ACBD7: variants seen among roughly 807,000 people sequenced by gnomAD.
ACBD7 encodes acyl-CoA binding domain containing 7.
Under a neutral mutation model 13.7 loss-of-function variants are expected in ACBD7, and 11 were observed. That is an observed-to-expected ratio of 0.80 (90% CI 0.50 to 1.33). ACBD7 has a LOEUF of 1.33. ACBD7 is among the 40% of genes most tolerant of loss of function. The probability of loss-of-function intolerance (pLI) is 0.00; values close to 1 mark genes in which losing one functional copy is unlikely to be tolerated. For missense variants in ACBD7, 111 were observed against 103.0 expected (o/e 1.08, Z -0.33); for synonymous variants, 43 against 37.7 (o/e 1.14, Z -0.51).
chr10:15,083,929 G>A (rs1454006945), intron 1 of ACBD7, among the ~76,000 whole-genome samples: 2 of 152,258 alleles, frequency 1.3e-5, no homozygotes, highest in East Asian at 1.9e-4. Flanking sequence ...ACAAGGCAGC[G>A]TGCTTGAAGG....
chr10:15,088,241 A>G (rs1844831718), intron 1 of ACBD7: 1 of 158,864 alleles, frequency 6.3e-6, no homozygotes, highest in African/African-American at 2.4e-5. Context: ...TATTATCAGT[A>G]ATTATTACTT....
chr10:15,086,762 C>A (rs1036067898), intron 1 of ACBD7, among the ~76,000 whole-genome samples: 9 of 152,100 alleles, frequency 5.9e-5, no homozygotes, highest in Admixed American at 1.3e-4. Flanking sequence ...ACCTGTAATC[C>A]AAGCACTTTG....
chr10:15,085,095 G>A (rs1844794352), intron 1 of ACBD7, among the ~76,000 whole-genome samples: 1 of 152,226 alleles, frequency 6.6e-6, no homozygotes, highest in Admixed American at 6.5e-5. Flanking sequence ...AGCCAATGCT[G>A]AGCTGATTTC....
intron 1 of ACBD7, among the ~76,000 whole-genome samples, chr10:15,080,957 ACTT>A (rs1589260284): frequency 6.6e-6 from 1 of 151,884 alleles, no homozygotes; most frequent in African/African-American, 2.4e-5. Context: ...TGCCCCCCAT[ACTT>A]CTTCTCTGAT....
In ACBD7 at chr10:15,076,359, G is replaced by A. The variant is rs750461897; in HGVS notation, c.*2171C>T. On this transcript the variant is annotated 3_prime_UTR_variant, in exon 4 of 4. Transcript: ENST00000356189. ...ACTCAGATAGAACTGAACATATGGG[G>A]TACAGTAGTGGTACAGTTTATCACT... 68 of 985,086 alleles carry A rather than the reference G, an allele frequency of 6.9e-5. No homozygotes were observed. Among genetic ancestry groups the A allele is most frequent in the Admixed American group, 1.2e-4 (2 of 16,228 alleles). 61.0% of individuals were successfully genotyped at this position (985,086 alleles called of 1,614,324 possible).
rs1031341503 is a variant in ACBD7 at position 15,076,934 on chromosome 10, A to T, written c.*1596T>A. 24 of 985,308 alleles carry T rather than the reference A, an allele frequency of 2.4e-5. No homozygotes were observed. Among genetic ancestry groups the T allele is most frequent in the Non-Finnish European group, 2.9e-5 (24 of 829,912 alleles). 61.0% of individuals were successfully genotyped at this position (985,308 alleles called of 1,614,324 possible). A position where few individuals can be genotyped will look rare whatever the true frequency, so the allele number is the denominator to read the frequency against. Reference sequence around the variant, plus strand: ...TATTACCAGGGCTAGACTTTCTAAAAAGTCAAAAAACAACAGATGTGGAGA... The same window carrying T: ...TATTACCAGGGCTAGACTTTCTAAATAGTCAAAAAACAACAGATGTGGAGA... On this transcript the variant is annotated 3_prime_UTR_variant, in exon 4 of 4. Transcript: ENST00000356189.
chr10:15,075,976 CAAAAAAAAAAAAAAA>C lies in ACBD7; in HGVS notation c.*2539_*2553del. The C allele has an allele frequency of 3.2e-5, 10 of 309,274 alleles. No individual in the cohort carries two copies. The highest frequency in any genetic ancestry group is 4.2e-5 in the Non-Finnish European group (10 of 238,136). 19.2% of individuals were successfully genotyped at this position (309,274 alleles called of 1,614,324 possible). Reference sequence around the variant, plus strand: ...GTAACAGAGTGACAGCCTGTCTCAACAAAAAAAAAAAAAAAAAAAAAGAAAAGAAAAAGAATGTTA... The same window carrying C: ...GTAACAGAGTGACAGCCTGTCTCAACAAAAAAGAAAAGAAAAAGAATGTTA... On this transcript the variant is annotated 3_prime_UTR_variant, in exon 4 of 4. Coordinates refer to ENST00000356189, the MANE Select transcript of ACBD7 (RefSeq NM_001039844.3).
intron 1 of ACBD7, among the ~76,000 whole-genome samples, chr10:15,080,954 C>A (rs1295392072): frequency 1.3e-5 from 2 of 152,148 alleles, no homozygotes; most frequent in Non-Finnish European, 2.9e-5. Flanking sequence ...CCCTGCCCCC[C>A]ATACTTCTTC....
At chr10:15,086,060 C>A (rs1027191948) in intron 1 of ACBD7, among the ~76,000 whole-genome samples, 1 of 152,328 alleles carries the variant, frequency 6.6e-6, no homozygotes, top group Non-Finnish European at 1.5e-5. Flanking sequence ...GTAATCCCAG[C>A]ACTTTGGGAG....
intron 1 of ACBD7, among the ~76,000 whole-genome samples, chr10:15,084,099 G>A (rs1029574819): frequency 2.6e-5 from 4 of 152,252 alleles, no homozygotes; most frequent in Admixed American, 6.5e-5. Context: ...TCGGGTCTGC[G>A]ATTGTTGGCT....
Position 15,076,190 on chromosome 10 carries a change from A to G in ACBD7, c.*2340T>C. 2.0e-6 allele frequency: 2 copies of G among 985,262 alleles called. No homozygotes were observed. The highest frequency in any genetic ancestry group is 2.4e-6 in the Non-Finnish European group (2 of 829,848). The allele number at this position is 985,262 out of a possible 1,614,324, so 61.0% of individuals were successfully genotyped here. A position where few individuals can be genotyped will look rare whatever the true frequency, so the allele number is the denominator to read the frequency against. On this transcript the variant is annotated 3_prime_UTR_variant, in exon 4 of 4. Transcript: ENST00000356189. ...AAATTTTTATGCAGGGAATAGAGGT[A>G]CACTGTTTTGGGGGATATTTATCTT...
chr10:15,075,594 C>A lies in ACBD7; in HGVS notation c.*2936G>T, dbSNP rs1410945752. Among the ~76,000 whole-genome samples the A allele has an allele frequency of 6.6e-6, 1 of 152,176 alleles. No individual in the cohort carries two copies. The highest frequency in any genetic ancestry group is 2.4e-5 in the African/African-American group (1 of 41,438). Reference sequence around the variant, plus strand: ...GAACATTCCATCACTGCAGGATCATCCCTCCTGCTGCCCTTTTAAAGCCAC... The same window carrying A: ...GAACATTCCATCACTGCAGGATCATACCTCCTGCTGCCCTTTTAAAGCCAC... On this transcript the variant is annotated 3_prime_UTR_variant, in exon 4 of 4. Coordinates refer to ENST00000356189, the MANE Select transcript of ACBD7 (RefSeq NM_001039844.3).
At position 15,078,264 on chromosome 10, in the gene ACBD7, T is replaced by C. The variant is rs1844706951; in HGVS notation, c.*266A>G. 9.6e-7 allele frequency: 1 copy of C among 1,044,150 alleles called. No individual in the cohort carries two copies. Among genetic ancestry groups the C allele is most frequent in the East Asian group, 4.1e-5 (1 of 24,256 alleles). The allele number at this position is 1,044,150 out of a possible 1,614,324, so 64.7% of individuals were successfully genotyped here. Reference sequence around the variant, plus strand: ...TTCATCCATGTCCCTGCAAAGGACATGAACTCATCCCTTTTTATGGCTCCA... The same window carrying C: ...TTCATCCATGTCCCTGCAAAGGACACGAACTCATCCCTTTTTATGGCTCCA... On this transcript the variant is annotated 3_prime_UTR_variant, in exon 4 of 4. Transcript: ENST00000356189.
At chr10:15,088,655 C>G (rs1230856862) in intron 1 of ACBD7, 62 bp downstream of exon 1, 3 of 1,575,224 alleles carry the variant, frequency 1.9e-6, no homozygotes, top group African/African-American at 1.4e-5. Flanking sequence ...CACCCGGAGC[C>G]CCACTTAAGC....
chr10:15,088,272 A>G (rs1007767703), intron 1 of ACBD7: 1 of 172,436 alleles, frequency 5.8e-6, no homozygotes, highest in Non-Finnish European at 1.2e-5. Flanking sequence ...GTCTTTTCCA[A>G]AGTTTTCCAC....
At position 15,076,011 on chromosome 10, in the gene ACBD7, A is replaced by G; in HGVS notation, c.*2519T>C. 1 of 644,512 alleles carries G rather than the reference A, an allele frequency of 1.6e-6. No individual in the cohort carries two copies. 39.9% of individuals were successfully genotyped at this position (644,512 alleles called of 1,614,324 possible). On this transcript the variant is annotated 3_prime_UTR_variant, in exon 4 of 4. Coordinates refer to ENST00000356189, the MANE Select transcript of ACBD7 (RefSeq NM_001039844.3). The stretch of plus-strand genomic sequence containing the variant: ...AAAAAAAAAAAAGAAAAGAAAAAGA[A>G]TGTTATATAAATGGAATTATACATG...
intron 1 of ACBD7, among the ~76,000 whole-genome samples, chr10:15,084,384 T>C (rs935024888): frequency 3.3e-5 from 5 of 152,180 alleles, no homozygotes; most frequent in East Asian, 1.9e-4. Context: ...GCTTTAAATA[T>C]AGAGCCATGG....
intron 1 of ACBD7, among the ~76,000 whole-genome samples, chr10:15,079,274 T>TC (rs1003994672): frequency 6.7e-6 from 1 of 150,190 alleles, no homozygotes; most frequent in Non-Finnish European, 1.5e-5. Flanking sequence ...ACTTCTTTTT[T>TC]TTTTTTTTTT....
intron 1 of ACBD7, among the ~76,000 whole-genome samples, chr10:15,079,308 C>T (rs1411967393): frequency 9.7e-5 from 14 of 143,764 alleles, no homozygotes; most frequent in African/African-American, 3.6e-4. Flanking sequence ...CTGGCTCTCT[C>T]GCCCAGGCTG....
Sources: allele counts gnomAD v4.1 joint callset (sites outside exome capture counted in the v4.1 genomes callset), GRCh38; gene constraint gnomAD v4.1.1; transcripts MANE v1.5; gene names NCBI Gene and HGNC (gene_info 2026-07-23, HGNC 2026-07-21).